The following CCDC39 variants were observed in gnomAD, a reference collection of about 807,000 sequenced individuals.
CCDC39 encodes coiled-coil domain 39 molecular ruler complex subunit, also known as coiled-coil domain-containing protein 39.
Under a neutral mutation model 121.0 loss-of-function variants are expected in CCDC39, and 113 were observed. That is an observed-to-expected ratio of 0.93 (90% CI 0.80 to 1.09). CCDC39 has a LOEUF of 1.09. CCDC39 is among the 50% of genes least tolerant of loss of function. CCDC39 has a pLI of 0.00. For synonymous variants in CCDC39, 349 were observed against 352.2 expected (o/e 0.99, Z 0.10); for missense variants, 1,063 against 1,074.7 (o/e 0.99, Z 0.15).
At chr3:180,661,475 T>A (rs1711740553) in intron 3 of CCDC39, among the ~76,000 whole-genome samples, 2 of 152,072 alleles carry the variant, frequency 1.3e-5, no homozygotes, top group East Asian at 3.9e-4. Context: ...AATGTTAGAG[T>A]CACAAAACTG....
chr3:180,645,289 C>T (rs1718044090), intron 11 of CCDC39, among the ~76,000 whole-genome samples: 1 of 152,118 alleles, frequency 6.6e-6, no homozygotes, highest in Non-Finnish European at 1.5e-5. Context: ...TTGATTAGAA[C>T]TAATTCCATC....
chr3:180,654,645 G>GAAA (rs79988820), intron 7 of CCDC39, 117 bp downstream of exon 7: 318 of 448,558 alleles, frequency 7.1e-4, no homozygotes, highest in South Asian at 9.6e-4. Flanking sequence ...AAAGAAAAAG[G>GAAA]AAAAAAAAAA....
At chr3:180,657,370 A>G (rs896760862) in intron 6 of CCDC39, among the ~76,000 whole-genome samples, 2 of 152,164 alleles carry the variant, frequency 1.3e-5, no homozygotes, top group African/African-American at 4.8e-5. Flanking sequence ...ATTCTGCCAA[A>G]TCAGCTGACC....
At chr3:180,621,738 C>A (rs900139037) in intron 14 of CCDC39, among the ~76,000 whole-genome samples, 3 of 151,930 alleles carry the variant, frequency 2.0e-5, no homozygotes, top group Admixed American at 6.6e-5. Context: ...GATCAGTTAG[C>A]TGTATGTGGG....
chr3:180,665,560 T>G (rs752100368), intron 1 of CCDC39, among the ~76,000 whole-genome samples: 17 of 152,124 alleles, frequency 1.1e-4, no homozygotes, highest in Non-Finnish European at 2.1e-4. Flanking sequence ...TTTAATTCCC[T>G]CTCGTTTCCT....
chr3:180,621,277 T>C (rs1717425698), intron 14 of CCDC39, among the ~76,000 whole-genome samples: 1 of 152,068 alleles, frequency 6.6e-6, no homozygotes, highest in Non-Finnish European at 1.5e-5. Context: ...TTTGTGTAGA[T>C]ACCAGGTAGT....
rs1190120791 is a variant in CCDC39, at chr3:180,661,938, A to G, written c.280T>C (p.Leu94=). 4 of 1,573,266 alleles carry G rather than the reference A, an allele frequency of 2.5e-6. No individual in the cohort carries two copies. The highest frequency in any genetic ancestry group is 3.5e-6 in the Non-Finnish European group (4 of 1,157,222). Residue 94 remains leucine, a synonymous_variant, in exon 3 of 20, where the codon TTG becomes CTG. Coordinates refer to ENST00000476379, the MANE Select transcript of CCDC39 (RefSeq NM_181426.2). ...EHFKAIAQRE[L]GRVKDEIQRL... ...TGAATTTCATCTTTCACTCGTCCCA[A>G]TTCTCTTTGAGCAATGGCCTTAAAA...
chr3:180,671,236 A>G (rs1243462600), intron 1 of CCDC39, among the ~76,000 whole-genome samples: 1 of 149,838 alleles, frequency 6.7e-6, no homozygotes, highest in African/African-American at 2.5e-5. Flanking sequence ...AAAAAAAGTT[A>G]TCACTCCTTT....
At chr3:180,617,344 G>C in intron 16 of CCDC39, 1 of 513,048 alleles carries the variant, frequency 1.9e-6, no homozygotes, top group East Asian at 3.0e-5. Context: ...ACTGATTTAT[G>C]TATTTACTAT....
chr3:180,632,598 C>T (rs567953096), intron 13 of CCDC39, among the ~76,000 whole-genome samples: 6 of 152,042 alleles, frequency 3.9e-5, no homozygotes, highest in African/African-American at 1.4e-4. Flanking sequence ...GGACCAAGCA[C>T]AGTATATTAC....
At chr3:180,656,609 C>T (rs57969590) in intron 6 of CCDC39, among the ~76,000 whole-genome samples, 6,243 of 152,222 alleles carry the variant, frequency 0.041, 453 homozygotes, top group African/African-American at 0.14. Context: ...CTGCGACCTA[C>T]GGGGCTGCAT....
Position 180,648,340 on chromosome 3 carries a change from T to C in CCDC39, c.1187A>G (p.Asn396Ser). The change falls in exon 10 of 20, where the codon AAC (asparagine) becomes AGC (serine). Residue 396 changes from asparagine (N) to serine (S), a missense_variant. Asn to Ser is a conservative substitution (Grantham distance 46). Transcript: ENST00000476379. The stretch of plus-strand genomic sequence containing the variant: ...CTTAAACAGCACACCTTTTATGAGG[T>C]TCAGTTGAACATCTACTTCCTGATA... Reference protein sequence around the residue: ...KDVKEVDVQLNLIKGVLFKKA... With the variant: ...KDVKEVDVQLSLIKGVLFKKA... 1.3e-6 allele frequency: 2 copies of C among 1,572,798 alleles called. No individual in the cohort carries two copies. Among genetic ancestry groups the C allele is most frequent in the Middle Eastern group, 3.4e-4 (2 of 5,824 alleles).
intron 1 of CCDC39, among the ~76,000 whole-genome samples, chr3:180,666,455 T>C (rs1330056380): frequency 6.6e-6 from 1 of 152,188 alleles, no homozygotes; most frequent in African/African-American, 2.4e-5. Context: ...GTTGTCTAAT[T>C]CTGAGGTGCT....
chr3:180,650,123 G>A (rs894059383), intron 9 of CCDC39, among the ~76,000 whole-genome samples: 1 of 152,110 alleles, frequency 6.6e-6, no homozygotes, highest in Admixed American at 6.5e-5. Context: ...GCAAGAAGTA[G>A]AGTCAGGTCA....
intron 1 of CCDC39, among the ~76,000 whole-genome samples, chr3:180,673,321 T>G (rs1405361372): frequency 6.6e-6 from 1 of 152,206 alleles, no homozygotes; most frequent in Non-Finnish European, 1.5e-5. Context: ...AGGAAGAATC[T>G]GTTGATGCGG....
intron 2 of CCDC39, among the ~76,000 whole-genome samples, chr3:180,663,479 C>G (rs1711791869): frequency 6.6e-6 from 1 of 151,884 alleles, no homozygotes; most frequent in Non-Finnish European, 1.5e-5. Context: ...TCGAGACCAG[C>G]CTGACCAACA....
chr3:180,619,190 A>G, intron 16 of CCDC39, 69 bp downstream of exon 16: 1 of 751,926 alleles, frequency 1.3e-6, no homozygotes, highest in Non-Finnish European at 2.3e-6. Flanking sequence ...GAGCAAGAGA[A>G]TAGAAGTAGC....
intron 6 of CCDC39, among the ~76,000 whole-genome samples, chr3:180,656,005 T>C (rs757989002): frequency 6.6e-6 from 1 of 152,178 alleles, no homozygotes; most frequent in Non-Finnish European, 1.5e-5. Context: ...AATCAACAGG[T>C]TTTAGAAATG....
At position 180,679,221 on chromosome 3, in the gene CCDC39, G is replaced by C. The variant is rs1445071166; in HGVS notation, c.90+70C>G. On this transcript the variant is annotated intron_variant, in intron 1 of 19. Coordinates refer to ENST00000476379, the MANE Select transcript of CCDC39 (RefSeq NM_181426.2). The surrounding 1 kb of genome is among the most constrained non-coding windows in gnomAD (Gnocchi z 4.0). ...GGAGAGAAATAAAAGGGCTGGGGTAGTACTGCCAACCAGAAAACGCCCCCA... is the reference window on the plus strand; with the variant it reads ...GGAGAGAAATAAAAGGGCTGGGGTACTACTGCCAACCAGAAAACGCCCCCA... 8.7e-6 allele frequency: 10 copies of C among 1,149,200 alleles called. No individual in the cohort carries two copies. Among genetic ancestry groups the C allele is most frequent in the Non-Finnish European group, 1.3e-5 (10 of 755,488 alleles). 71.2% of individuals were successfully genotyped at this position (1,149,200 alleles called of 1,614,324 possible).
Sources: gnomAD v4.1 joint callset for allele counts (sites outside exome capture counted in the v4.1 genomes callset) on GRCh38, gnomAD v4.1.1 for gene constraint, Gnocchi (gnomAD v3.1) non-coding constraint, MANE v1.5 for transcripts, NCBI Gene and HGNC (gene_info 2026-07-23, HGNC 2026-07-21) for gene names.